The following PPARGC1A variants were observed in gnomAD, a reference collection of about 807,000 sequenced individuals.
PPARGC1A encodes the protein PPARG coactivator 1 alpha.
PPARGC1A carries 25 observed loss-of-function variants against 88.7 expected under a neutral mutation model. That is an observed-to-expected ratio of 0.28 (90% CI 0.21 to 0.39). The LOEUF is 0.39. Ranked by LOEUF, PPARGC1A falls within the 10% of genes least tolerant of loss-of-function variation. The pLI is 1.00. For missense variants in PPARGC1A, 880 were observed against 968.7 expected (o/e 0.91, Z 1.22); for synonymous variants, 363 against 355.6 (o/e 1.02, Z -0.24).
the PPARGC1A span, among the ~76,000 whole-genome samples, chr4:24,102,660 A>T: frequency 1.3e-5 from 2 of 152,210 alleles, no homozygotes; most frequent in African/African-American, 4.8e-5. Context: ...AAAGAGTGCT[A>T]TCCGGGAACT....
chr4:23,878,178 A>G (rs1334910857), intron 2 of PPARGC1A, among the ~76,000 whole-genome samples: 2 of 152,178 alleles, frequency 1.3e-5, no homozygotes, highest in African/African-American at 4.8e-5. Context: ...CAATAAGCCC[A>G]TAAAATGTCC....
the PPARGC1A span, among the ~76,000 whole-genome samples, chr4:23,982,439 C>T: frequency 6.6e-6 from 1 of 152,132 alleles, no homozygotes; most frequent in Non-Finnish European, 1.5e-5. Context: ...CTCCAATGAG[C>T]TGTGCCTGGA....
rs115003876 is a variant in PPARGC1A at position 23,799,231 on chromosome 4, G to A, written c.2293+2499C>T. ...AACAAAGACAAGACACAGGAAAAAT[G>A]TTTTGAGTTCCAAAGCTGATTCCTA... On this transcript the variant is annotated intron_variant, in intron 12 of 12. Coordinates refer to ENST00000264867, the MANE Select transcript of PPARGC1A (RefSeq NM_013261.5). Among the ~76,000 whole-genome samples the A allele has an allele frequency of 5.8e-3, 880 of 152,206 alleles. 7 individuals carry two copies. The highest frequency in any genetic ancestry group is 0.02 in the African/African-American group (812 of 41,538).
chr4:24,465,794 T>C, the PPARGC1A span, among the ~76,000 whole-genome samples: 1 of 152,180 alleles, frequency 6.6e-6, no homozygotes, highest in Non-Finnish European at 1.5e-5. Flanking sequence ...TGGACATAAA[T>C]GTTAGGCGCA....
chr4:23,851,026 C>T (rs1729199579), intron 2 of PPARGC1A, among the ~76,000 whole-genome samples: 1 of 152,124 alleles, frequency 6.6e-6, no homozygotes, highest in Non-Finnish European at 1.5e-5. Flanking sequence ...TGTTTCATTG[C>T]TTCTAATGAG....
chr4:24,404,122 G>A, the PPARGC1A span, among the ~76,000 whole-genome samples: 4 of 151,966 alleles, frequency 2.6e-5, no homozygotes, highest in Non-Finnish European at 5.9e-5. Context: ...AATTAGCCGG[G>A]CATGGTGGCA....
the PPARGC1A span, among the ~76,000 whole-genome samples, chr4:24,329,411 C>T: frequency 5.3e-5 from 8 of 152,144 alleles, no homozygotes; most frequent in African/African-American, 1.9e-4. Flanking sequence ...ACCTGCCTCT[C>T]CAGCTCCGGC....
At chr4:24,385,222 C>A in the PPARGC1A span, among the ~76,000 whole-genome samples, 1 of 152,144 alleles carries the variant, frequency 6.6e-6, no homozygotes, top group Admixed American at 6.5e-5. Flanking sequence ...GTACCAGAAT[C>A]TCTGGGGCAC....
At position 23,886,858 on chromosome 4, in the gene PPARGC1A, A is replaced by T. The variant is rs1409105487; in HGVS notation, c.55-1927T>A. On this transcript the variant is annotated intron_variant, in intron 1 of 12. Transcript: ENST00000264867. Reference sequence around the variant, plus strand: ...GGATTTTATAGGGGCATAGTCTTTAAAAAAAAAAAAAAAAAACATGAACAA... The same window carrying T: ...GGATTTTATAGGGGCATAGTCTTTATAAAAAAAAAAAAAAAACATGAACAA... 9.0e-3 allele frequency among the ~76,000 whole-genome samples: 332 copies of T among 36,734 alleles called. 11 individuals carry two copies. The highest frequency in any genetic ancestry group is 4.2e-3 in the Non-Finnish European group (71 of 17,076). 24.1% of individuals were successfully genotyped at this position (36,734 alleles called of 152,430 possible).
At chr4:23,955,906 A>G in the PPARGC1A span, among the ~76,000 whole-genome samples, 2 of 152,230 alleles carry the variant, frequency 1.3e-5, no homozygotes, top group East Asian at 1.9e-4. Context: ...TGAAGTCAGG[A>G]AACTTTCCGT....
At chr4:23,991,569 G>A in the PPARGC1A span, among the ~76,000 whole-genome samples, 1 of 151,968 alleles carries the variant, frequency 6.6e-6, no homozygotes, top group Non-Finnish European at 1.5e-5. Flanking sequence ...TGACATACAA[G>A]AGCCTACAAA....
At chr4:24,402,027 G>C in the PPARGC1A span, among the ~76,000 whole-genome samples, 1 of 152,184 alleles carries the variant, frequency 6.6e-6, no homozygotes, top group Non-Finnish European at 1.5e-5. Context: ...CTCCGCGGCT[G>C]CTCTGAAGCT....
intron 2 of PPARGC1A, among the ~76,000 whole-genome samples, chr4:23,852,827 T>G (rs1233760921): frequency 1.3e-5 from 2 of 152,200 alleles, no homozygotes; most frequent in Non-Finnish European, 2.9e-5. Context: ...GAAATAGATA[T>G]GTACAAGACA....
chr4:24,294,596 C>A, the PPARGC1A span, among the ~76,000 whole-genome samples: 4 of 152,200 alleles, frequency 2.6e-5, no homozygotes, highest in East Asian at 7.7e-4. Flanking sequence ...CCCCCACTCC[C>A]AAAAAACAAG....
chr4:24,468,385 T>C, the PPARGC1A span, among the ~76,000 whole-genome samples: 25 of 152,208 alleles, frequency 1.6e-4, no homozygotes, highest in Admixed American at 1.5e-3. Flanking sequence ...TAACTGGGGG[T>C]TTCATTCTAA....
At chr4:23,850,653 T>G (rs993888614) in intron 2 of PPARGC1A, among the ~76,000 whole-genome samples, 17 of 152,202 alleles carry the variant, frequency 1.1e-4, no homozygotes, top group African/African-American at 4.1e-4. Flanking sequence ...ACAATAGCGG[T>G]CATTGATACG....
At chr4:23,899,482 C>A (rs977108131), upstream of PPARGC1A, among the ~76,000 whole-genome samples, 1 of 152,112 alleles carries the variant, frequency 6.6e-6, no homozygotes, top group African/African-American at 2.4e-5. Context: ...AGGAAAAAAG[C>A]AATTTAAATA....
At chr4:23,966,229 G>C in the PPARGC1A span, among the ~76,000 whole-genome samples, 1 of 152,164 alleles carries the variant, frequency 6.6e-6, no homozygotes, top group Admixed American at 6.5e-5. Context: ...TCCCCTGCCT[G>C]TTTCCTCGGA....
the PPARGC1A span, among the ~76,000 whole-genome samples, chr4:24,471,598 G>C: frequency 4.6e-5 from 7 of 152,250 alleles, no homozygotes; most frequent in African/African-American, 1.7e-4. This position sits in a 1 kb window ranked among gnomAD's most constrained non-coding sequence, Gnocchi z 5.4. Context: ...CCAGTGGCCC[G>C]CTGACATCCA....
Sources: allele counts gnomAD v4.1 joint callset (sites outside exome capture counted in the v4.1 genomes callset), GRCh38; gene constraint gnomAD v4.1.1; non-coding constraint Gnocchi (gnomAD v3.1); transcripts MANE v1.5; gene names NCBI Gene and HGNC (gene_info 2026-07-23, HGNC 2026-07-21).